FHIT: variants seen among roughly 807,000 people sequenced by gnomAD.
FHIT encodes the protein fragile histidine triad diadenosine triphosphatase.
In FHIT, 19 loss-of-function variants were observed where a neutral mutation model predicts 17.9. The observed-to-expected ratio is 1.06, with a 90% CI of 0.74 to 1.56. The LOEUF (loss-of-function observed/expected upper bound fraction) is 1.56, where lower values mean the gene tolerates loss of function less well. FHIT is among the 40% of genes most tolerant of loss of function. FHIT has a pLI of 0.00. For synonymous variants in FHIT, 81 were observed against 69.7 expected (o/e 1.16, Z -0.81); for missense variants, 248 against 189.2 (o/e 1.31, Z -1.82).
rs796366257 is a variant in FHIT at position 60,077,740 on chromosome 3, G to A, written c.104-63588C>T. On this transcript the variant is annotated intron_variant, in intron 5 of 9. Coordinates refer to ENST00000492590, the MANE Select transcript of FHIT (RefSeq NM_002012.4). ...CACACACACACACACATATATAGAG[G>A]GGGGGGGGAGGATACAAAGTAACAT... Among the ~76,000 whole-genome samples, 238 of 46,946 alleles carry A rather than the reference G, an allele frequency of 5.1e-3. 2 individuals carry two copies. The highest frequency in any genetic ancestry group is 0.01 in the African/African-American group (177 of 17,352). The allele number at this position is 46,946 out of a possible 152,430, so 30.8% of individuals were successfully genotyped here.
intron 4 of FHIT, among the ~76,000 whole-genome samples, chr3:60,767,062 C>T (rs1366410637): frequency 1.3e-5 from 2 of 152,166 alleles, no homozygotes; most frequent in East Asian, 1.9e-4. Flanking sequence ...TCATCGCTGA[C>T]CCATTTGGCT....
chr3:59,924,688 T>C (rs941874154), intron 7 of FHIT, among the ~76,000 whole-genome samples: 8 of 152,162 alleles, frequency 5.3e-5, no homozygotes, highest in African/African-American at 2.4e-5. Flanking sequence ...AGCAAAAAAA[T>C]AAAATAAAGA....
At chr3:61,208,273 GA>G (rs1280616127) in intron 1 of FHIT, among the ~76,000 whole-genome samples, 3 of 151,962 alleles carry the variant, frequency 2.0e-5, no homozygotes, top group African/African-American at 4.8e-5. Flanking sequence ...GTGTGGTGCT[GA>G]AAAAAATGTA....
intron 5 of FHIT, among the ~76,000 whole-genome samples, chr3:60,234,166 T>C (rs1167674601): frequency 6.6e-6 from 1 of 152,086 alleles, no homozygotes; most frequent in Non-Finnish European, 1.5e-5. Flanking sequence ...ATTACACAAA[T>C]CCTTTAAATC....
intron 3 of FHIT, among the ~76,000 whole-genome samples, chr3:60,891,881 A>G (rs1270007256): frequency 6.6e-6 from 1 of 152,210 alleles, no homozygotes; most frequent in Non-Finnish European, 1.5e-5. Flanking sequence ...GTGAGCAAAC[A>G]AGGAAACTAA....
At chr3:60,870,792 G>A (rs372490801) in intron 3 of FHIT, among the ~76,000 whole-genome samples, 17 of 152,160 alleles carry the variant, frequency 1.1e-4, no homozygotes, top group Non-Finnish European at 1.6e-4. Flanking sequence ...CTAGGTTACC[G>A]CGTCTCACAA....
intron 4 of FHIT, among the ~76,000 whole-genome samples, chr3:60,779,128 T>A (rs1700300688): frequency 6.6e-6 from 1 of 152,230 alleles, no homozygotes; most frequent in Non-Finnish European, 1.5e-5. Flanking sequence ...TTGCTGCACT[T>A]TATGCAAATA....
intron 5 of FHIT, among the ~76,000 whole-genome samples, chr3:60,301,377 C>T (rs893647101): frequency 6.6e-6 from 1 of 152,132 alleles, no homozygotes; most frequent in South Asian, 2.1e-4. Context: ...CATTATGACT[C>T]ATGAAACAAG....
chr3:60,951,392 T>C (rs1708878910), intron 3 of FHIT, among the ~76,000 whole-genome samples: 1 of 152,212 alleles, frequency 6.6e-6, no homozygotes, highest in Non-Finnish European at 1.5e-5. Flanking sequence ...CATGGAACAC[T>C]TAAGATCTAC....
chr3:59,996,284 T>A (rs17061712), intron 7 of FHIT, among the ~76,000 whole-genome samples: 18,545 of 152,070 alleles, frequency 0.12, 1,259 homozygotes, highest in African/African-American at 0.14. Context: ...GCATTTCCCA[T>A]GAGTGAGAGA....
intron 3 of FHIT, among the ~76,000 whole-genome samples, chr3:60,851,466 C>A (rs1703151983): frequency 6.6e-6 from 1 of 152,070 alleles, no homozygotes; most frequent in Admixed American, 6.6e-5. Flanking sequence ...CTCCCAGAAC[C>A]CATCTCACAT....
intron 3 of FHIT, among the ~76,000 whole-genome samples, chr3:61,035,056 G>A (rs2033176657): frequency 6.6e-6 from 1 of 152,154 alleles, no homozygotes; most frequent in African/African-American, 2.4e-5. Context: ...ATCATATATT[G>A]TATCATTCCA....
At chr3:61,230,846 C>G (rs978054690) in intron 1 of FHIT, among the ~76,000 whole-genome samples, 2 of 152,180 alleles carry the variant, frequency 1.3e-5, no homozygotes, top group African/African-American at 4.8e-5. Context: ...AGTTTTGGAA[C>G]TGGTATATCA....
chr3:59,914,235 C>T (rs892713763), intron 8 of FHIT, among the ~76,000 whole-genome samples: 1 of 151,586 alleles, frequency 6.6e-6, no homozygotes, highest in Non-Finnish European at 1.5e-5. Flanking sequence ...GAAATCCAAA[C>T]TGGATTTTAC....
At chr3:60,378,376 T>C (rs942946090) in intron 5 of FHIT, among the ~76,000 whole-genome samples, 19 of 152,164 alleles carry the variant, frequency 1.2e-4, no homozygotes, top group African/African-American at 3.6e-4. Flanking sequence ...TTGCCTAAAT[T>C]TTCTTCAGGT....
At chr3:59,765,666 C>T (rs1292436714) in intron 8 of FHIT, among the ~76,000 whole-genome samples, 2 of 152,192 alleles carry the variant, frequency 1.3e-5, no homozygotes, top group Non-Finnish European at 2.9e-5. Flanking sequence ...CTGGAATAAC[C>T]TCTTTTGAAA....
At chr3:60,704,236 A>G (rs928553405) in intron 4 of FHIT, among the ~76,000 whole-genome samples, 17 of 152,214 alleles carry the variant, frequency 1.1e-4, no homozygotes, top group Non-Finnish European at 5.9e-5. Flanking sequence ...AATGAAACCT[A>G]GATGGTTTGT....
chr3:59,763,067 G>T (rs527512496), intron 8 of FHIT, among the ~76,000 whole-genome samples: 2 of 152,280 alleles, frequency 1.3e-5, no homozygotes, highest in South Asian at 4.2e-4. Context: ...TCAGATATTG[G>T]TGTTTAAGCA....
chr3:60,523,971 A>G (rs1411285579), intron 5 of FHIT, among the ~76,000 whole-genome samples: 2 of 152,222 alleles, frequency 1.3e-5, no homozygotes. Flanking sequence ...GTGAGAACTT[A>G]CCACATTATT....
Sources: allele counts gnomAD v4.1 joint callset (sites outside exome capture counted in the v4.1 genomes callset), GRCh38; gene constraint gnomAD v4.1.1; transcripts MANE v1.5; gene names NCBI Gene and HGNC (gene_info 2026-07-23, HGNC 2026-07-21).